The following RASA3 variants were observed in gnomAD, a reference collection of about 807,000 sequenced individuals.
RASA3 encodes RAS p21 protein activator 3.
RASA3 carries 73 observed loss-of-function variants against 110.0 expected under a neutral mutation model. The observed-to-expected ratio is 0.66, with a 90% CI of 0.55 to 0.81. The LOEUF (loss-of-function observed/expected upper bound fraction) is 0.81. Among genes scored for constraint, RASA3 ranks in the 30% least tolerant of loss-of-function variants. The pLI is 0.00. For synonymous variants in RASA3, 500 were observed against 451.4 expected (o/e 1.11, Z -1.37); for missense variants, 976 against 1,113.2 (o/e 0.88, Z 1.75).
At chr13:114,132,120 A>G (rs747974844) in intron 1 of RASA3, among the ~76,000 whole-genome samples, 14 of 152,246 alleles carry the variant, frequency 9.2e-5, no homozygotes, top group Non-Finnish European at 1.6e-4. Flanking sequence ...GCTCGGGCGC[A>G]CACGCGGACA....
At chr13:114,103,358 A>C (rs1485911700) in intron 1 of RASA3, among the ~76,000 whole-genome samples, 2 of 152,002 alleles carry the variant, frequency 1.3e-5, no homozygotes, top group Non-Finnish European at 2.9e-5. Context: ...GGTAGCTCTC[A>C]CCCTTGCAAA....
At chr13:114,027,984 C>A in intron 5 of RASA3, 57 bp from the exon 6 acceptor site, 1 of 1,443,124 alleles carries the variant, frequency 6.9e-7, no homozygotes, top group Non-Finnish European at 9.7e-7. Flanking sequence ...GGGCGAATGG[C>A]GAGACAGCTC....
At position 113,992,590 on chromosome 13, in the gene RASA3, T is replaced by C. The variant is rs909790585; in HGVS notation, c.2142-2A>G. On this transcript the variant is annotated splice_acceptor_variant, in intron 21 of 23. Coordinates refer to ENST00000334062, the MANE Select transcript of RASA3 (RefSeq NM_007368.4). LOFTEE classifies it high-confidence loss of function. ...AGCTGGATGTTGGCTGGGAGGCCGC[T>C]GTCCAGACACAGCAAGAACAGAAAG... is the stretch of plus-strand genomic sequence containing the variant. 2.5e-6 allele frequency: 4 copies of C among 1,609,112 alleles called. No individual in the cohort carries two copies. Among genetic ancestry groups the C allele is most frequent in the African/African-American group, 1.3e-5 (1 of 74,884 alleles).
chr13:114,017,172 G>T, intron 12 of RASA3, 65 bp downstream of exon 12: 2 of 1,426,126 alleles, frequency 1.4e-6, no homozygotes, highest in Non-Finnish European at 2.0e-6. Context: ...CCAGTGCAGT[G>T]CCCTCTGTTG....
chr13:114,100,805 G>C (rs188245145), intron 1 of RASA3, among the ~76,000 whole-genome samples: 1 of 152,218 alleles, frequency 6.6e-6, no homozygotes, highest in African/African-American at 2.4e-5. Flanking sequence ...ACCGGAAGCC[G>C]TGGAGCCCGG....
At chr13:113,995,061 C>A (rs1455729303) in intron 21 of RASA3, among the ~76,000 whole-genome samples, 1 of 152,236 alleles carries the variant, frequency 6.6e-6, no homozygotes, top group Non-Finnish European at 1.5e-5. Context: ...CCCGAGCTGT[C>A]CGGCCTCAGC....
In RASA3 at chr13:114,055,091, T is replaced by G. The variant is rs570300483; in HGVS notation, c.174-2936A>C. Among the ~76,000 whole-genome samples the G allele has an allele frequency of 2.4e-4, 37 of 152,180 alleles. 2 individuals carry two copies. The South Asian group carries it at 3.5e-3, about 15-fold the overall frequency. ...CCACAGGCACGTGTTTGTGTGTGCA[T>G]GTGTGTGCCCGTATGTGTGTCCCCA... On this transcript the variant is annotated intron_variant, in intron 2 of 23. Transcript: ENST00000334062.
rs2079092157 is a variant in RASA3, at chr13:114,048,558, G to A, written c.277+3494C>T. Among the ~76,000 whole-genome samples the A allele has an allele frequency of 1.3e-5, 2 of 152,308 alleles. No homozygotes were observed. Among genetic ancestry groups the A allele is most frequent in the Non-Finnish European group, 2.9e-5 (2 of 68,032 alleles). ...GGCCTCGCGCATTTCCGTGGTTCCC[G>A]CATCCCAGCTGCGGGGAGCCATAGT... On this transcript the variant is annotated intron_variant, in intron 3 of 23. Transcript: ENST00000334062. This position sits in a 1 kb window ranked among gnomAD's most constrained non-coding sequence, Gnocchi z 4.3.
intron 1 of RASA3, among the ~76,000 whole-genome samples, chr13:114,094,330 G>A (rs568771962): frequency 3.9e-5 from 6 of 152,282 alleles, no homozygotes; most frequent in South Asian, 2.1e-4. Context: ...AAACAAACAC[G>A]AATGTTCATA....
chr13:114,000,795 A>G (rs760950979), intron 19 of RASA3, 31 bp downstream of exon 19: 2 of 1,495,192 alleles, frequency 1.3e-6, no homozygotes, highest in Non-Finnish European at 1.9e-6. Context: ...ACGCTCCAGC[A>G]AGAGCCAGGG....
At chr13:114,033,087 T>C (rs1333128363) in intron 4 of RASA3, among the ~76,000 whole-genome samples, 39 of 13,302 alleles carry the variant, frequency 2.9e-3, no homozygotes, top group African/African-American at 0.01. Context: ...CTTGATACCA[T>C]GCCCCACAGC....
Position 114,013,095 on chromosome 13 carries a change from G to A in RASA3, c.1512+47C>T, listed in dbSNP as rs150352394. The A allele has an allele frequency of 7.5e-3, 11,547 of 1,534,774 alleles. 76 individuals are homozygous for A. The highest frequency in any genetic ancestry group is 8.5e-3 in the Admixed American group (453 of 53,168). ...CGCAGATGCCCCAACCCAGGCCGGC[G>A]TCGCAGGACAGCTCAGAAAGCCTCG... On this transcript the variant is annotated intron_variant, in intron 15 of 23. Transcript: ENST00000334062.
chr13:114,079,623 C>A (rs2079749071), intron 1 of RASA3, among the ~76,000 whole-genome samples: 1 of 152,234 alleles, frequency 6.6e-6, no homozygotes, highest in Non-Finnish European at 1.5e-5. Flanking sequence ...GCCCTGGCCC[C>A]TGGGATCCTC....
intron 1 of RASA3, chr13:114,077,963 T>G (rs2079720742): frequency 1.0e-6 from 1 of 984,776 alleles, no homozygotes; most frequent in African/African-American, 1.8e-5. Context: ...ACTGGTTTTG[T>G]TTCCAACTGT....
At chr13:114,103,564 GATGCGTCCATGCT>G (rs2080087604) in intron 1 of RASA3, among the ~76,000 whole-genome samples, 1 of 72,232 alleles carries the variant, frequency 1.4e-5, no homozygotes, top group Non-Finnish European at 2.7e-5. Flanking sequence ...ACCCACCCCC[GATGCGTCCATGCT>G]GCCACAGCCA....
At chr13:114,010,927 G>T (rs1381347555) in intron 16 of RASA3, among the ~76,000 whole-genome samples, 1 of 147,562 alleles carries the variant, frequency 6.8e-6, no homozygotes, top group African/African-American at 2.5e-5. Context: ...TGCTGCTCCT[G>T]CCACGGGGCC....
chr13:114,122,356 C>T (rs1002849243), intron 1 of RASA3, among the ~76,000 whole-genome samples: 2 of 152,234 alleles, frequency 1.3e-5, no homozygotes, highest in African/African-American at 4.8e-5. Flanking sequence ...CCGGCATGGC[C>T]AGTCCCCTGG....
chr13:114,011,382 G>A lies in RASA3; in HGVS notation c.1513-134C>T. 2.6e-6 allele frequency: 2 copies of A among 772,956 alleles called. No individual in the cohort carries two copies. The highest frequency in any genetic ancestry group is 1.6e-5 in the South Asian group (1 of 64,124). 47.9% of individuals were successfully genotyped at this position (772,956 alleles called of 1,614,324 possible). ...GTGCATGAGCTACGGAGAAACAGGG[G>A]TAGCGACGCAGATGGGACTGGAGGG... On this transcript the variant is annotated intron_variant, in intron 15 of 23. Transcript: ENST00000334062. This position sits in a 1 kb window ranked among gnomAD's most constrained non-coding sequence, Gnocchi z 4.8.
In RASA3 at chr13:114,115,547, C is replaced by T. The variant is rs545130211; in HGVS notation, c.55+16888G>A. Among the ~76,000 whole-genome samples the T allele has an allele frequency of 8.5e-5, 13 of 152,366 alleles. No homozygotes were observed. Among genetic ancestry groups the T allele is most frequent in the South Asian group, 8.3e-4 (4 of 4,828 alleles). ...ACTCATGCCCTAGAGATAAAGCCGT[C>T]GGAGGCAGAGTGCAGGCCTCGAAGC... On this transcript the variant is annotated intron_variant, in intron 1 of 23. Transcript: ENST00000334062. This position sits in a 1 kb window ranked among gnomAD's most constrained non-coding sequence, Gnocchi z 5.0.
Sources: gnomAD v4.1 joint callset for allele counts (sites outside exome capture counted in the v4.1 genomes callset) on GRCh38, gnomAD v4.1.1 for gene constraint, Gnocchi (gnomAD v3.1) non-coding constraint, MANE v1.5 for transcripts, NCBI Gene and HGNC (gene_info 2026-07-23, HGNC 2026-07-21) for gene names.